Variants in CTNNA3 observed in about 807,000 individuals in gnomAD.
CTNNA3 encodes the protein catenin alpha 3.
A neutral mutation model predicts 95.7 loss-of-function variants in CTNNA3; 76 were observed. That is an observed-to-expected ratio of 0.79 (90% CI 0.66 to 0.96). CTNNA3 has a LOEUF of 0.96. CTNNA3 is among the 40% of genes least tolerant of loss of function. The pLI is 0.00. For synonymous variants in CTNNA3, 431 were observed against 374.4 expected (o/e 1.15, Z -1.74); for missense variants, 1,191 against 1,089.8 (o/e 1.09, Z -1.31).
chr10:66,912,113 C>T (rs1338527471), intron 7 of CTNNA3, among the ~76,000 whole-genome samples: 1 of 152,122 alleles, frequency 6.6e-6, no homozygotes, highest in Non-Finnish European at 1.5e-5. Flanking sequence ...ACTGCATCAT[C>T]AGAAGATTAC....
chr10:67,630,914 C>CACCT lies in CTNNA3; in HGVS notation c.99+16497_99+16500dup, dbSNP rs1278036390. ...TAACTCACATTCAACATAAATCTGA[C>CACCT]ACCTACCAAACTGTATTTTGCAGCA... On this transcript the variant is annotated intron_variant, in intron 2 of 17. Coordinates refer to ENST00000433211, the MANE Select transcript of CTNNA3 (RefSeq NM_013266.4). Among the ~76,000 whole-genome samples the CACCT allele has an allele frequency of 2.6e-5, 4 of 151,132 alleles. No individual in the cohort carries two copies. In the East Asian group the frequency reaches 7.7e-4, roughly 29 times the overall value.
At chr10:66,390,518 TA>T in intron 11 of CTNNA3, among the ~76,000 whole-genome samples, 1 of 152,258 alleles carries the variant, frequency 6.6e-6, no homozygotes, top group African/African-American at 2.4e-5. Flanking sequence ...GTATATGAGC[TA>T]AGAGACTTAA....
At chr10:67,373,336 T>C (rs1345074022) in intron 5 of CTNNA3, among the ~76,000 whole-genome samples, 2 of 152,086 alleles carry the variant, frequency 1.3e-5, no homozygotes, top group Non-Finnish European at 1.5e-5. Flanking sequence ...TAGTCTCTGA[T>C]AAAACAGACT....
chr10:66,902,437 C>A (rs944334284), intron 7 of CTNNA3, among the ~76,000 whole-genome samples: 2 of 152,068 alleles, frequency 1.3e-5, no homozygotes, highest in African/African-American at 2.4e-5. Context: ...AAGAAAGATA[C>A]AAAATCGACA....
At chr10:67,680,765 T>TA (rs1840611635) in intron 1 of CTNNA3, among the ~76,000 whole-genome samples, 1 of 152,172 alleles carries the variant, frequency 6.6e-6, no homozygotes, top group South Asian at 2.1e-4. Flanking sequence ...AATGACTTTT[T>TA]AAAAAAGATA....
At chr10:67,401,610 C>A (rs778107798) in intron 5 of CTNNA3, among the ~76,000 whole-genome samples, 3 of 152,112 alleles carry the variant, frequency 2.0e-5, no homozygotes, top group Non-Finnish European at 4.4e-5. Flanking sequence ...CCCCAAAGAC[C>A]TAATAAAAAC....
intron 15 of CTNNA3, among the ~76,000 whole-genome samples, chr10:66,061,233 T>C (rs894463111): frequency 2.0e-5 from 3 of 152,150 alleles, no homozygotes; most frequent in Non-Finnish European, 4.4e-5. Flanking sequence ...CATTTGTAAC[T>C]GTGCACAAAT....
intron 2 of CTNNA3, among the ~76,000 whole-genome samples, chr10:67,621,049 A>G (rs942362983): frequency 2.6e-5 from 4 of 151,786 alleles, no homozygotes; most frequent in African/African-American, 9.7e-5. Context: ...ACCAAGAGGC[A>G]GAACCATGCT....
chr10:67,261,030 A>G (rs1866587580), intron 5 of CTNNA3, among the ~76,000 whole-genome samples: 1 of 152,152 alleles, frequency 6.6e-6, no homozygotes, highest in African/African-American at 2.4e-5. Context: ...AAGTGAAGTT[A>G]TCAAGTGCTC....
intron 3 of CTNNA3, among the ~76,000 whole-genome samples, chr10:67,563,299 C>G (rs896301731): frequency 6.6e-6 from 1 of 152,138 alleles, no homozygotes; most frequent in Non-Finnish European, 1.5e-5. Flanking sequence ...GAGATATCAA[C>G]CAATGAAACA....
chr10:66,577,359 T>C (rs551902417), intron 10 of CTNNA3, among the ~76,000 whole-genome samples: 3 of 152,240 alleles, frequency 2.0e-5, no homozygotes, highest in East Asian at 3.9e-4. Flanking sequence ...TTTTTGTTTT[T>C]GTTGCAATTA....
At chr10:66,956,059 T>C (rs959939049) in intron 7 of CTNNA3, among the ~76,000 whole-genome samples, 6 of 152,134 alleles carry the variant, frequency 3.9e-5, no homozygotes, top group African/African-American at 1.4e-4. Context: ...CCTAGAGCTA[T>C]GGCATTTGGT....
At chr10:66,666,822 A>C (rs572548403) in intron 9 of CTNNA3, among the ~76,000 whole-genome samples, 1 of 143,438 alleles carries the variant, frequency 7.0e-6, no homozygotes, top group African/African-American at 2.6e-5. Context: ...TTACTTTTTT[A>C]ATGTATAAAG....
chr10:66,560,149 A>G (rs1207330568), intron 10 of CTNNA3, among the ~76,000 whole-genome samples: 3 of 152,104 alleles, frequency 2.0e-5, no homozygotes, highest in Non-Finnish European at 4.4e-5. Flanking sequence ...TAATATTTCT[A>G]CTTTTTATTA....
chr10:67,162,573 A>G (rs966931490), intron 7 of CTNNA3, among the ~76,000 whole-genome samples: 2 of 152,126 alleles, frequency 1.3e-5, no homozygotes, highest in Admixed American at 1.3e-4. Flanking sequence ...AAAATATCTC[A>G]CATCAGTAAT....
chr10:67,587,206 TG>T (rs1842656631), intron 3 of CTNNA3, among the ~76,000 whole-genome samples: 5 of 148,182 alleles, frequency 3.4e-5, no homozygotes, highest in African/African-American at 1.0e-4. Context: ...TGTGTGTGTG[TG>T]TGTGTGTGTG....
chr10:65,923,731 C>T (rs552569150), intron 17 of CTNNA3, among the ~76,000 whole-genome samples: 3 of 152,048 alleles, frequency 2.0e-5, no homozygotes, highest in South Asian at 2.1e-4. Flanking sequence ...GTCAATGTTC[C>T]GTTAGAATGT....
chr10:67,453,916 C>G (rs917042843), intron 5 of CTNNA3, among the ~76,000 whole-genome samples: 1 of 152,148 alleles, frequency 6.6e-6, no homozygotes, highest in Non-Finnish European at 1.5e-5. Context: ...TAGAAACCAT[C>G]AAAGCCATAT....
intron 5 of CTNNA3, among the ~76,000 whole-genome samples, chr10:67,373,540 C>A (rs1332483286): frequency 6.6e-6 from 1 of 151,984 alleles, no homozygotes; most frequent in East Asian, 1.9e-4. Flanking sequence ...ACTTTAACAC[C>A]CAACTGTCAA....
Sources: allele counts gnomAD v4.1 joint callset (sites outside exome capture counted in the v4.1 genomes callset), GRCh38; gene constraint gnomAD v4.1.1; transcripts MANE v1.5; gene names NCBI Gene and HGNC (gene_info 2026-07-23, HGNC 2026-07-21).